WDR43: variants seen among roughly 807,000 people sequenced by gnomAD.
WDR43 encodes the protein WD repeat-containing protein 43.
WDR43 carries 13 observed loss-of-function variants against 91.4 expected under a neutral mutation model. The ratio of observed to expected loss-of-function variants is 0.14; its 90% CI spans 0.09 to 0.23. The LOEUF is 0.23. Ranked by LOEUF, WDR43 falls within the 10% of genes least tolerant of loss-of-function variation. WDR43 has a pLI of 1.00. For synonymous variants in WDR43, 331 were observed against 287.9 expected, an observed-to-expected ratio of 1.15 and a Z score of -1.51; for missense variants, 780 against 809.4, an observed-to-expected ratio of 0.96 and a Z score of 0.44.
intron 12 of WDR43, 42 bp downstream of exon 12, chr2:28,935,649 A>G (rs1308063546): frequency 1.4e-6 from 2 of 1,380,454 alleles, no homozygotes; most frequent in Non-Finnish European, 2.0e-6. Context: ...TAATGCCATG[A>G]GTTAAATGGA....
chr2:28,908,963 T>G (rs578234284), intron 3 of WDR43, among the ~76,000 whole-genome samples: 24 of 152,272 alleles, frequency 1.6e-4, no homozygotes, highest in Admixed American at 7.2e-4. Context: ...TTGCTTTTCT[T>G]GGGGTTTATA....
chr2:28,940,028 G>A (rs1053628297), intron 14 of WDR43, among the ~76,000 whole-genome samples: 2 of 149,374 alleles, frequency 1.3e-5, no homozygotes, highest in African/African-American at 2.5e-5. Context: ...GGAGAATGGC[G>A]TGAACCCGGG....
chr2:28,908,298 G>A (rs1670723634), intron 3 of WDR43, among the ~76,000 whole-genome samples: 1 of 152,172 alleles, frequency 6.6e-6, no homozygotes, highest in Non-Finnish European at 1.5e-5. Context: ...AGCAGACAGG[G>A]TGGTGCTAGA....
intron 2 of WDR43, among the ~76,000 whole-genome samples, chr2:28,905,588 GTTTA>G (rs772228884): frequency 5.0e-4 from 75 of 150,770 alleles, no homozygotes; most frequent in Non-Finnish European, 1.0e-3. Context: ...TGTGGAAGTA[GTTTA>G]TTTATTTATT....
chr2:28,942,432 C>T, intron 16 of WDR43, 51 bp downstream of exon 16: 1 of 1,564,126 alleles, frequency 6.4e-7, no homozygotes. Flanking sequence ...ATTCAGTTTT[C>T]AGTGACTGAG....
At chr2:28,909,192 G>A (rs1670743218) in intron 3 of WDR43, among the ~76,000 whole-genome samples, 1 of 151,982 alleles carries the variant, frequency 6.6e-6, no homozygotes, top group Non-Finnish European at 1.5e-5. Flanking sequence ...AGCCTGGATT[G>A]CAATGGCGCG....
rs1467099250 is a variant in WDR43 at position 28,911,316 on chromosome 2, C to T, written c.486-1274C>T. Among the ~76,000 whole-genome samples, 5 of 146,692 alleles carry T rather than the reference C, an allele frequency of 3.4e-5. No individual in the cohort carries two copies. In the East Asian group the frequency reaches 1.0e-3, roughly 30 times the overall value. ...ATAACCTCTTTTTTTTTTTTTGAGACGGAGTCTTGCTCTGTTGCCCAGGCT... is the reference window on the plus strand; with the variant it reads ...ATAACCTCTTTTTTTTTTTTTGAGATGGAGTCTTGCTCTGTTGCCCAGGCT... On this transcript the variant is annotated intron_variant, in intron 3 of 17. Transcript: ENST00000407426.
chr2:28,929,564 C>T lies in WDR43; in HGVS notation c.1306-15C>T, dbSNP rs762802815. On this transcript the variant is annotated splice_polypyrimidine_tract_variant and intron_variant, in intron 10 of 17. Coordinates refer to ENST00000407426, the MANE Select transcript of WDR43 (RefSeq NM_015131.3). Reference sequence around the variant, plus strand: ...CTTGTCTGGTAACACATTAACAATCCTTTCTGTTCTGTAGGTTAGCATTGA... The same window carrying T: ...CTTGTCTGGTAACACATTAACAATCTTTTCTGTTCTGTAGGTTAGCATTGA... The T allele has an allele frequency of 6.4e-7, 1 of 1,567,140 alleles. No homozygotes were observed. The highest frequency in any genetic ancestry group is 1.4e-5 in the African/African-American group (1 of 73,204).
At chr2:28,912,112 C>T (rs374968694) in intron 3 of WDR43, among the ~76,000 whole-genome samples, 16 of 152,166 alleles carry the variant, frequency 1.1e-4, no homozygotes, top group African/African-American at 3.4e-4. Context: ...GTAGAAATAA[C>T]CTTTTTGGGT....
chr2:28,932,202 C>T (rs1360134598), intron 11 of WDR43, among the ~76,000 whole-genome samples: 6 of 152,084 alleles, frequency 3.9e-5, no homozygotes, highest in Non-Finnish European at 8.8e-5. Context: ...GATCGATTGT[C>T]GCCCAGGCTG....
chr2:28,907,929 G>A (rs907685172), intron 3 of WDR43, among the ~76,000 whole-genome samples: 3 of 151,000 alleles, frequency 2.0e-5, no homozygotes, highest in East Asian at 1.9e-4. Context: ...CTGCAGGTCA[G>A]TGTCTCTGGG....
intron 6 of WDR43, among the ~76,000 whole-genome samples, chr2:28,922,242 A>G (rs1572593209): frequency 6.6e-6 from 1 of 152,272 alleles, no homozygotes; most frequent in Non-Finnish European, 1.5e-5. Flanking sequence ...TTTTCTCTCA[A>G]TGTATTGGCT....
intron 3 of WDR43, among the ~76,000 whole-genome samples, chr2:28,909,364 C>T (rs911746818): frequency 6.6e-6 from 1 of 152,096 alleles, no homozygotes; most frequent in Non-Finnish European, 1.5e-5. Context: ...AACTCCTGAC[C>T]TCAGGTGATC....
At chr2:28,896,999 G>A (rs1207808184) in intron 1 of WDR43, among the ~76,000 whole-genome samples, 1 of 152,046 alleles carries the variant, frequency 6.6e-6, no homozygotes, top group African/African-American at 2.4e-5. Context: ...GCTAAGAAAG[G>A]TAAATGACTT....
chr2:28,938,685 A>C (rs1005065218), intron 14 of WDR43, among the ~76,000 whole-genome samples: 4 of 151,324 alleles, frequency 2.6e-5, no homozygotes, highest in Non-Finnish European at 4.4e-5. Flanking sequence ...GTCTCACCCA[A>C]CTCCTGCCTT....
chr2:28,932,983 A>G (rs773103476), intron 11 of WDR43, among the ~76,000 whole-genome samples: 1 of 152,254 alleles, frequency 6.6e-6, no homozygotes, highest in African/African-American at 2.4e-5. Flanking sequence ...AGAGAAGTTA[A>G]TGAAGACCTA....
intron 10 of WDR43, 32 bp from the exon 11 acceptor site, chr2:28,929,547 G>T: frequency 6.6e-7 from 1 of 1,520,702 alleles, no homozygotes; most frequent in Non-Finnish European, 8.8e-7. Context: ...GTCTTGTCTG[G>T]TAACACATTA....
chr2:28,929,553 C>T, intron 10 of WDR43, 26 bp from the exon 11 acceptor site: 2 of 1,552,332 alleles, frequency 1.3e-6, no homozygotes, highest in Non-Finnish European at 8.7e-7. Context: ...TCTGGTAACA[C>T]ATTAACAATC....
At position 28,912,579 on chromosome 2, in the gene WDR43, T is replaced by C; in HGVS notation, c.486-11T>C. 3.7e-6 allele frequency: 6 copies of C among 1,610,104 alleles called. No homozygotes were observed. Among genetic ancestry groups the C allele is most frequent in the Non-Finnish European group, 5.1e-6 (6 of 1,177,852 alleles). On this transcript the variant is annotated splice_polypyrimidine_tract_variant and intron_variant, in intron 3 of 17. Transcript: ENST00000407426. The stretch of plus-strand genomic sequence containing the variant: ...TGTATTGAGATGCTTTTTTTTCTCT[T>C]CACAATATAGCAAATGGAAAGGCGA...
Sources: gnomAD v4.1 joint callset for allele counts (sites outside exome capture counted in the v4.1 genomes callset) on GRCh38, gnomAD v4.1.1 for gene constraint, MANE v1.5 for transcripts, NCBI Gene and HGNC (gene_info 2026-07-23, HGNC 2026-07-21) for gene names.